The following NR3C2 variants were observed in gnomAD, a reference collection of about 807,000 sequenced individuals.
NR3C2 encodes the protein nuclear receptor subfamily 3 group C member 2.
NR3C2 carries 15 observed loss-of-function variants against 86.4 expected under a neutral mutation model. That is an observed-to-expected ratio of 0.17 (90% CI 0.12 to 0.27). The LOEUF (loss-of-function observed/expected upper bound fraction) is 0.27, where lower values mean the gene tolerates loss of function less well. Among genes scored for constraint, NR3C2 ranks in the 10% least tolerant of loss-of-function variants. The probability of loss-of-function intolerance (pLI) is 1.00; values close to 1 mark genes in which losing one functional copy is unlikely to be tolerated. For synonymous variants in NR3C2, 458 were observed against 450.5 expected (o/e 1.02, Z -0.21); for missense variants, 960 against 1,195.6 (o/e 0.80, Z 2.91).
At chr4:148,234,181 G>C (rs921607316) in intron 3 of NR3C2, among the ~76,000 whole-genome samples, 1 of 152,154 alleles carries the variant, frequency 6.6e-6, no homozygotes, top group Non-Finnish European at 1.5e-5. Flanking sequence ...CTAACATAAA[G>C]CTTTCTGTCT....
upstream of NR3C2, among the ~76,000 whole-genome samples, chr4:148,443,427 G>T (rs889485858): frequency 2.0e-5 from 3 of 151,602 alleles, no homozygotes; most frequent in African/African-American, 7.3e-5. Flanking sequence ...GAGGGGGTGG[G>T]TCACATAAGT....
At chr4:148,154,278 C>T (rs1734241808) in intron 5 of NR3C2, among the ~76,000 whole-genome samples, 2 of 152,284 alleles carry the variant, frequency 1.3e-5, no homozygotes, top group South Asian at 4.1e-4. Context: ...CCTGCCTTGG[C>T]CTCCCAAAGT....
intron 2 of NR3C2, among the ~76,000 whole-genome samples, chr4:148,359,696 A>G (rs1359937730): frequency 6.6e-6 from 1 of 152,222 alleles, no homozygotes; most frequent in African/African-American, 2.4e-5. Context: ...ATGGTGTCCC[A>G]GACCCCTTTG....
chr4:148,081,612 G>A, intron 8 of NR3C2, 113 bp from the exon 9 acceptor site: 1 of 1,430,242 alleles, frequency 7.0e-7, no homozygotes, highest in Non-Finnish European at 9.7e-7. Context: ...AGCCTCCCAG[G>A]AGACCATGTC....
chr4:148,372,823 G>A (rs76260235), intron 2 of NR3C2, among the ~76,000 whole-genome samples: 3,569 of 152,276 alleles, frequency 0.023, 83 homozygotes, highest in Non-Finnish European at 0.036. Context: ...TTCTGACTAT[G>A]CTTCAGATAG....
chr4:148,216,314 T>C (rs1405730615), intron 3 of NR3C2, among the ~76,000 whole-genome samples: 11 of 151,746 alleles, frequency 7.2e-5, no homozygotes, highest in East Asian at 1.9e-4. Context: ...AAAGAAGAAA[T>C]AGCATTTCCT....
At chr4:148,210,357 A>G (rs369387786) in intron 3 of NR3C2, among the ~76,000 whole-genome samples, 1 of 151,974 alleles carries the variant, frequency 6.6e-6, no homozygotes, top group East Asian at 1.9e-4. Context: ...CGCTGGGCTA[A>G]TTTTTTGTGT....
At chr4:148,108,547 G>T (rs559381293) in intron 8 of NR3C2, among the ~76,000 whole-genome samples, 2 of 152,312 alleles carry the variant, frequency 1.3e-5, no homozygotes, top group Non-Finnish European at 2.9e-5. Flanking sequence ...GGCTCCCAGA[G>T]CCTGGCTAGA....
chr4:148,441,044 T>C (rs1040277929), intron 1 of NR3C2, among the ~76,000 whole-genome samples: 2 of 152,326 alleles, frequency 1.3e-5, no homozygotes, highest in Middle Eastern at 3.4e-3. Flanking sequence ...ACATAACTAT[T>C]ATGTTCCTCT....
upstream of NR3C2, chr4:148,445,026 G>A (rs1040410596): frequency 1.0e-5 from 10 of 982,888 alleles, no homozygotes; most frequent in Middle Eastern, 5.2e-4. Flanking sequence ...ACGCCCTCAC[G>A]AGCGGGAGGA....
intron 3 of NR3C2, among the ~76,000 whole-genome samples, chr4:148,252,113 T>C (rs908174303): frequency 1.4e-4 from 22 of 152,234 alleles, no homozygotes; most frequent in Middle Eastern, 3.4e-3. Flanking sequence ...ATCTCTAAAA[T>C]GAGGATAGAT....
At chr4:148,139,782 G>A (rs143049700) in intron 6 of NR3C2, among the ~76,000 whole-genome samples, 161 of 152,088 alleles carry the variant, frequency 1.1e-3, no homozygotes, top group Non-Finnish European at 2.1e-3. Context: ...GTTTTTTTCA[G>A]AACAGTGTCA....
chr4:148,234,918 C>T (rs753231718), intron 3 of NR3C2, among the ~76,000 whole-genome samples: 16 of 151,884 alleles, frequency 1.1e-4, no homozygotes, highest in Non-Finnish European at 2.1e-4. Flanking sequence ...TTGGGTGATG[C>T]GTTTAAAACT....
chr4:148,231,812 G>A (rs1165345494), intron 3 of NR3C2, among the ~76,000 whole-genome samples: 1 of 152,134 alleles, frequency 6.6e-6, no homozygotes, highest in East Asian at 1.9e-4. Context: ...CTAAGTTTAC[G>A]TAATATTCTA....
chr4:148,394,955 T>C (rs888325459), intron 2 of NR3C2, among the ~76,000 whole-genome samples: 1 of 151,808 alleles, frequency 6.6e-6, no homozygotes, highest in Non-Finnish European at 1.5e-5. Flanking sequence ...AAAGACGAAA[T>C]TGTTCAGTTT....
intron 2 of NR3C2, among the ~76,000 whole-genome samples, chr4:148,297,146 G>T (rs1173719790): frequency 1.3e-5 from 2 of 151,720 alleles, no homozygotes; most frequent in Non-Finnish European, 2.9e-5. Flanking sequence ...CAATCACAAA[G>T]AAAAAAACAT....
chr4:148,330,446 A>G (rs188033942), intron 2 of NR3C2, among the ~76,000 whole-genome samples: 2 of 152,288 alleles, frequency 1.3e-5, no homozygotes, highest in Admixed American at 1.3e-4. Context: ...CTCCTTGCCA[A>G]TATTGTAGCA....
chr4:148,104,343 T>TTTGGG (rs1491339045), intron 8 of NR3C2, among the ~76,000 whole-genome samples: 4 of 96,570 alleles, frequency 4.1e-5, no homozygotes, highest in Non-Finnish European at 7.4e-5. Flanking sequence ...TTTGGTTTGG[T>TTTGGG]TTTTTTTTTT....
At chr4:148,393,316 G>A (rs1012662270) in intron 2 of NR3C2, among the ~76,000 whole-genome samples, 6 of 152,214 alleles carry the variant, frequency 3.9e-5, no homozygotes, top group Admixed American at 1.3e-4. Flanking sequence ...GATGACAGGT[G>A]TACATTAGAA....
Sources: allele counts gnomAD v4.1 joint callset (sites outside exome capture counted in the v4.1 genomes callset), GRCh38; gene constraint gnomAD v4.1.1; transcripts MANE v1.5; gene names NCBI Gene and HGNC (gene_info 2026-07-23, HGNC 2026-07-21).